Variants in KIAA0319 observed in about 807,000 individuals in gnomAD.
The protein encoded by KIAA0319 is dyslexia-associated protein KIAA0319.
Under a neutral mutation model 108.4 loss-of-function variants are expected in KIAA0319, and 83 were observed. The ratio of observed to expected loss-of-function variants is 0.77; its 90% confidence interval spans 0.64 to 0.92. The LOEUF (loss-of-function observed/expected upper bound fraction) is 0.92. Among genes scored for constraint, KIAA0319 ranks in the 40% least tolerant of loss-of-function variants. KIAA0319 has a pLI of 0.00. For synonymous variants in KIAA0319, 484 were observed against 510.4 expected (o/e 0.95, Z 0.70); for missense variants, 1,195 against 1,322.4 (o/e 0.90, Z 1.49).
chr6:24,595,008 A>G (rs1166317652), intron 3 of KIAA0319, among the ~76,000 whole-genome samples: 1 of 152,130 alleles, frequency 6.6e-6, no homozygotes, highest in African/African-American at 2.4e-5. Flanking sequence ...TGCTTTTGAA[A>G]TCGCTCCACT....
At chr6:24,571,903 A>G (rs1053053497) in intron 11 of KIAA0319, among the ~76,000 whole-genome samples, 14 of 152,356 alleles carry the variant, frequency 9.2e-5, no homozygotes, top group Admixed American at 6.5e-4. Context: ...GTAGAGCGCC[A>G]ATCACAGAGT....
chr6:24,612,890 C>A (rs1424703872), intron 1 of KIAA0319, among the ~76,000 whole-genome samples: 2 of 152,192 alleles, frequency 1.3e-5, no homozygotes, highest in South Asian at 4.2e-4. Flanking sequence ...GCTCCGCCTC[C>A]CCGGTTCACG....
intron 11 of KIAA0319, among the ~76,000 whole-genome samples, chr6:24,571,250 C>A (rs1764683316): frequency 6.7e-6 from 1 of 148,334 alleles, no homozygotes; most frequent in Non-Finnish European, 1.5e-5. Flanking sequence ...ATGTGTAAAC[C>A]AAAAAAAAGG....
At chr6:24,644,712 C>A (rs1777395803) in intron 1 of KIAA0319, among the ~76,000 whole-genome samples, 1 of 152,054 alleles carries the variant, frequency 6.6e-6, no homozygotes, top group Admixed American at 6.5e-5. Flanking sequence ...AAGATTTTGG[C>A]TGAATTATTT....
intron 6 of KIAA0319, 56 bp downstream of exon 6, chr6:24,582,193 T>G: frequency 2.0e-6 from 2 of 981,816 alleles, no homozygotes; most frequent in South Asian, 1.3e-5. Context: ...AGGTATTAAC[T>G]GAGCTCTATG....
intron 16 of KIAA0319, among the ~76,000 whole-genome samples, chr6:24,559,395 T>C (rs1165264572): frequency 1.3e-5 from 2 of 152,238 alleles, no homozygotes; most frequent in Non-Finnish European, 2.9e-5. Context: ...AAGCAATGTG[T>C]AAATTATGTA....
At chr6:24,593,637 G>A (rs1055869194) in intron 3 of KIAA0319, among the ~76,000 whole-genome samples, 1 of 150,838 alleles carries the variant, frequency 6.6e-6, no homozygotes, top group Non-Finnish European at 1.5e-5. Context: ...TCCTGACCTC[G>A]TGATCCACCC....
intron 3 of KIAA0319, among the ~76,000 whole-genome samples, chr6:24,592,587 T>G (rs541104777): frequency 1.3e-5 from 2 of 152,334 alleles, no homozygotes; most frequent in South Asian, 4.1e-4. Flanking sequence ...CTTCTTATTA[T>G]GCTATGCATG....
intron 17 of KIAA0319, among the ~76,000 whole-genome samples, chr6:24,557,396 A>T (rs1762456987): frequency 6.6e-6 from 1 of 152,096 alleles, no homozygotes; most frequent in Admixed American, 6.6e-5. Context: ...CCAGCTACTC[A>T]GGTGGCTGAG....
chr6:24,630,685 A>G (rs1295562263), intron 1 of KIAA0319, among the ~76,000 whole-genome samples: 11 of 66,138 alleles, frequency 1.7e-4, no homozygotes, highest in African/African-American at 5.3e-4. Context: ...GTATATGTGT[A>G]TATATATATA....
downstream of KIAA0319, among the ~76,000 whole-genome samples, chr6:24,541,655 C>T (rs370895180): frequency 1.5e-4 from 22 of 151,570 alleles, no homozygotes; most frequent in Admixed American, 9.2e-4. Context: ...AAAATTAGCC[C>T]GTCATGGTGG....
chr6:24,622,956 T>C (rs1222598068), intron 1 of KIAA0319, among the ~76,000 whole-genome samples: 1 of 152,034 alleles, frequency 6.6e-6, no homozygotes. Context: ...GAAAAATTAC[T>C]TGAACCCAGG....
Position 24,588,575 on chromosome 6 carries a change from G to T in KIAA0319, c.994+18C>A, listed in dbSNP as rs759560464. On this transcript the variant is annotated intron_variant, in intron 4 of 20. Transcript: ENST00000378214. ...TGTCTTCAGTACATTTCTTGAAATT[G>T]TATTTTTTAAAAGTTACCTGTCCTG... 9.9e-5 allele frequency: 158 copies of T among 1,598,392 alleles called. No individual in the cohort carries two copies. The highest frequency in any genetic ancestry group is 1.3e-4 in the Non-Finnish European group (146 of 1,167,544).
intron 16 of KIAA0319, 57 bp downstream of exon 16, chr6:24,563,302 A>T: frequency 6.5e-7 from 1 of 1,541,158 alleles, no homozygotes; most frequent in Non-Finnish European, 8.8e-7. Flanking sequence ...GACTGGGATG[A>T]GGTAAGAGCT....
At chr6:24,639,167 GAGAGTACA>G (rs1251402102) in intron 1 of KIAA0319, among the ~76,000 whole-genome samples, 1 of 152,196 alleles carries the variant, frequency 6.6e-6, no homozygotes, top group African/African-American at 2.4e-5. Flanking sequence ...CTTATATCCA[GAGAGTACA>G]AGAAGTTCTG....
In KIAA0319 at chr6:24,551,355, T is replaced by C. The variant is rs1761472890; in HGVS notation, c.3040+79A>G. The C allele has an allele frequency of 2.7e-5, 25 of 937,600 alleles. No homozygotes were observed. The East Asian group carries it at 6.0e-4, about 22-fold the overall frequency. The allele number at this position is 937,600 out of a possible 1,614,324, so 58.1% of individuals were successfully genotyped here. On this transcript the variant is annotated intron_variant, in intron 20 of 20. Transcript: ENST00000378214. The stretch of plus-strand genomic sequence containing the variant: ...GCTGACTCCAGCAAATCGTTCTCCC[T>C]CTATCCAAGTTAGCCCTCAGGCCTA...
At position 24,639,497 on chromosome 6, in the gene KIAA0319, C is replaced by G. The variant is rs952275205; in HGVS notation, c.-106+6239G>C. 5.9e-5 allele frequency among the ~76,000 whole-genome samples: 9 copies of G among 152,122 alleles called. No homozygotes were observed. The East Asian group carries it at 1.3e-3, about 23-fold the overall frequency. ...TGAGTTTACTATGCATATATTCTTA[C>G]TAAAAGAGTTACTATATGACATTTG... is the stretch of plus-strand genomic sequence containing the variant. On this transcript the variant is annotated intron_variant, in intron 1 of 20. Coordinates refer to ENST00000378214, the MANE Select transcript of KIAA0319 (RefSeq NM_014809.4).
chr6:24,554,263 G>C (rs1479973285), intron 19 of KIAA0319, among the ~76,000 whole-genome samples: 1 of 152,174 alleles, frequency 6.6e-6, no homozygotes, highest in Non-Finnish European at 1.5e-5. Flanking sequence ...GGTTGAGTGA[G>C]AAAACAGTAC....
chr6:24,576,490 T>C lies in KIAA0319; in HGVS notation c.1612A>G (p.Thr538Ala). Residue 538 changes from threonine to alanine, a missense_variant, in exon 10 of 21, where the codon ACC becomes GCC. Coordinates refer to ENST00000378214, the MANE Select transcript of KIAA0319 (RefSeq NM_014809.4). ...ATGGAGTTTTGGGGCAAAGTTATGGTGTGATTTGGTCCTGCATTAGCAACT... is the reference window on the plus strand; with the variant it reads ...ATGGAGTTTTGGGGCAAAGTTATGGCGTGATTTGGTCCTGCATTAGCAACT... Reference protein sequence around the residue: ...PPVANAGPNHTITLPQNSITL... With the variant: ...PPVANAGPNHAITLPQNSITL... The C allele has an allele frequency of 6.2e-7, 1 of 1,614,120 alleles. No individual in the cohort carries two copies. Among genetic ancestry groups the C allele is most frequent in the Non-Finnish European group, 8.5e-7 (1 of 1,180,004 alleles).
Sources: gnomAD v4.1 joint callset for allele counts (sites outside exome capture counted in the v4.1 genomes callset) on GRCh38, gnomAD v4.1.1 for gene constraint, MANE v1.5 for transcripts, NCBI Gene and HGNC (gene_info 2026-07-23, HGNC 2026-07-21) for gene names.